Variants in HMGXB3 observed in about 807,000 individuals in gnomAD.
HMGXB3 encodes HMG domain-containing protein 3.
A neutral mutation model predicts 121.5 loss-of-function variants in HMGXB3; 45 were observed. The observed-to-expected ratio is 0.37, with a 90% CI of 0.29 to 0.47. The LOEUF is 0.47. Ranked by LOEUF, HMGXB3 falls within the 20% of genes least tolerant of loss-of-function variation. HMGXB3 has a pLI of 0.99. For missense variants in HMGXB3, 1,376 were observed against 1,602.2 expected, an observed-to-expected ratio of 0.86 and a Z score of 2.41; for synonymous variants, 590 against 624.1, an observed-to-expected ratio of 0.95 and a Z score of 0.81.
chr5:150,014,089 A>G (rs968490598), intron 5 of HMGXB3, among the ~76,000 whole-genome samples: 1 of 152,270 alleles, frequency 6.6e-6, no homozygotes, highest in African/African-American at 2.4e-5. Flanking sequence ...GGTGCTAAAC[A>G]ACAGTGTCAC....
chr5:150,010,511 A>G lies in HMGXB3; in HGVS notation c.713A>G (p.Glu238Gly). 6.4e-7 allele frequency: 1 copy of G among 1,551,638 alleles called. No homozygotes were observed. The highest frequency in any genetic ancestry group is 8.7e-7 in the Non-Finnish European group (1 of 1,147,002). Reference sequence around the variant, plus strand: ...TACCAGACAAGCCTGGTAATTGAAGAGACCTTGGTGAATGGCTCACCAGAC... The same window carrying G: ...TACCAGACAAGCCTGGTAATTGAAGGGACCTTGGTGAATGGCTCACCAGAC... Reference protein sequence around the residue: ...QPYQTSLVIEETLVNGSPDLP... With the variant: ...QPYQTSLVIEGTLVNGSPDLP... The change falls in exon 4 of 20, where the codon GAG becomes GGG. Residue 238 changes from glutamate to glycine, a missense_variant. Coordinates refer to ENST00000502717, the MANE Select transcript of HMGXB3 (RefSeq NM_014983.3).
intron 19 of HMGXB3, among the ~76,000 whole-genome samples, chr5:150,051,441 GAGCCTGATCTTTC>G (rs1336981500): frequency 6.6e-6 from 1 of 152,210 alleles, no homozygotes; most frequent in African/African-American, 2.4e-5. Flanking sequence ...ACCTCAGTCA[GAGCCTGATCTTTC>G]TGCTCCCCTG....
intron 5 of HMGXB3, among the ~76,000 whole-genome samples, chr5:150,012,659 A>G (rs1219553839): frequency 6.6e-6 from 1 of 152,212 alleles, no homozygotes; most frequent in Non-Finnish European, 1.5e-5. Context: ...GTAAGCATAC[A>G]TGATTTAGGA....
chr5:150,010,739 C>A, intron 4 of HMGXB3, 131 bp downstream of exon 4: 1 of 893,346 alleles, frequency 1.1e-6, no homozygotes, highest in African/African-American at 1.7e-5. Flanking sequence ...TACTGCAGTT[C>A]TCTTGAATGT....
At chr5:150,040,356 C>A (rs1385236317) in intron 13 of HMGXB3, among the ~76,000 whole-genome samples, 2 of 152,016 alleles carry the variant, frequency 1.3e-5, no homozygotes, top group African/African-American at 4.8e-5. Context: ...TATTGATGGG[C>A]ATTTAGTTGT....
At chr5:150,032,167 C>T (rs1263663993) in intron 10 of HMGXB3, among the ~76,000 whole-genome samples, 2 of 152,206 alleles carry the variant, frequency 1.3e-5, no homozygotes, top group African/African-American at 4.8e-5. Context: ...CTTTACTCCA[C>T]CAACTGCCTG....
intron 5 of HMGXB3, among the ~76,000 whole-genome samples, chr5:150,014,551 A>G (rs1005435869): frequency 6.6e-6 from 1 of 152,202 alleles, no homozygotes. Context: ...TACTGCCCCC[A>G]GCTACATCTA....
rs1483835261 is a variant in HMGXB3, at chr5:150,052,185, C to T, written c.3872C>T (p.Ala1291Val). Residue 1291 changes from alanine (A) to valine (V), a missense_variant, in exon 20 of 20, where the codon GCA becomes GTA. Physicochemically the swap from Ala to Val is moderately conservative, Grantham distance 64. Transcript: ENST00000502717. Reference protein sequence around the residue: ...EGEEEEVAAVAE With the variant: ...EGEEEEVAAVVE ...GAGGAAGAGGAGGTGGCCGCAGTGG[C>T]AGAATAAGCCAGGCTGTTGTACAGG... 4.5e-6 allele frequency: 7 copies of T among 1,541,570 alleles called. No individual in the cohort carries two copies. Among genetic ancestry groups the T allele is most frequent in the Middle Eastern group, 1.8e-4 (1 of 5,684 alleles).
In HMGXB3 at chr5:150,026,938, G is replaced by GT. The variant is rs1756245558; in HGVS notation, c.1636+58dup. On this transcript the variant is annotated intron_variant, in intron 8 of 19. Transcript: ENST00000502717. ...GCTGTCTGACAGGAAAGGGACAGGA[G>GT]TGGGGGGTTGAGAACGGACATAGAG... is the stretch of plus-strand genomic sequence containing the variant. 10 of 1,526,126 alleles carry GT rather than the reference G, an allele frequency of 6.6e-6. No individual in the cohort carries two copies. In the South Asian group the frequency reaches 1.3e-4, roughly 19 times the overall value. The allele number at this position is 1,526,126 out of a possible 1,614,324, so 94.5% of individuals were successfully genotyped here. A position where few individuals can be genotyped will look rare whatever the true frequency, so the allele number is the denominator to read the frequency against.
chr5:150,052,352 A>ACC lies in HMGXB3; in HGVS notation c.*162_*163dup. ...GCTTCCATTCCCTGAGCATGGTGGG[A>ACC]CCCAGGGTCCTCAGTTCTCAACCCT... On this transcript the variant is annotated 3_prime_UTR_variant, in exon 20 of 20. Transcript: ENST00000502717. 1.6e-6 allele frequency: 1 copy of ACC among 636,696 alleles called. No homozygotes were observed. Among genetic ancestry groups the ACC allele is most frequent in the Non-Finnish European group, 2.7e-6 (1 of 370,582 alleles). The allele number at this position is 636,696 out of a possible 1,614,324, so 39.4% of individuals were successfully genotyped here.
chr5:150,046,788 G>A lies in HMGXB3; in HGVS notation c.2951-836G>A, dbSNP rs548634122. ...GATCGCGCCACTGCACTCCAGCCTG[G>A]GCGACAGAGCGAGACTCCGTCTCAA... On this transcript the variant is annotated intron_variant, in intron 16 of 19. Transcript: ENST00000502717. Among the ~76,000 whole-genome samples the A allele has an allele frequency of 1.1e-4, 17 of 151,854 alleles. 1 individual carries two copies. The South Asian group carries it at 2.5e-3, about 22-fold the overall frequency.
chr5:150,012,853 T>A (rs920985993), intron 5 of HMGXB3, among the ~76,000 whole-genome samples: 3 of 152,222 alleles, frequency 2.0e-5, no homozygotes, highest in Non-Finnish European at 2.9e-5. Flanking sequence ...TTTCTCACAC[T>A]ATTATAAATG....
At chr5:150,023,389 G>T (rs1756147474) in intron 6 of HMGXB3, among the ~76,000 whole-genome samples, 1 of 152,114 alleles carries the variant, frequency 6.6e-6, no homozygotes. Flanking sequence ...ATTGAAGCTT[G>T]CCTTATACCA....
At chr5:150,045,444 C>A (rs770829762) in intron 15 of HMGXB3, 22 bp from the exon 16 acceptor site, 3 of 1,539,894 alleles carry the variant, frequency 1.9e-6, no homozygotes, top group Middle Eastern at 1.7e-4. Flanking sequence ...ACAGTTTGAC[C>A]TTCTTTATCC....
At chr5:150,044,640 T>TGCTGCTTGTCCA (rs1166676409) in intron 15 of HMGXB3, among the ~76,000 whole-genome samples, 1 of 152,204 alleles carries the variant, frequency 6.6e-6, no homozygotes, top group Non-Finnish European at 1.5e-5. Context: ...ATGATACTCT[T>TGCTGCTTGTCCA]GCTGCTTGTC....
At chr5:150,043,281 G>C (rs756088664) in intron 15 of HMGXB3, among the ~76,000 whole-genome samples, 1 of 151,662 alleles carries the variant, frequency 6.6e-6, no homozygotes, top group Non-Finnish European at 1.5e-5. Flanking sequence ...ACTTTTCCCT[G>C]TGATCATGCT....
Position 150,021,861 on chromosome 5 carries a change from G to A in HMGXB3, c.1042-2401G>A. 5.9e-6 allele frequency: 3 copies of A among 511,032 alleles called. No individual in the cohort carries two copies. The Admixed American group carries it at 5.9e-5, about 10-fold the overall frequency. 31.7% of individuals were successfully genotyped at this position (511,032 alleles called of 1,614,324 possible). A position where few individuals can be genotyped will look rare whatever the true frequency, so the allele number is the denominator to read the frequency against. On this transcript the variant is annotated intron_variant, in intron 6 of 19. Coordinates refer to ENST00000502717, the MANE Select transcript of HMGXB3 (RefSeq NM_014983.3). ...ATGTTGCAGCTCGTTAGAGTGATTT[G>A]AATTCGGTGAATTGCCACCTCCAGC...
intron 11 of HMGXB3, among the ~76,000 whole-genome samples, chr5:150,034,377 A>C (rs1264980922): frequency 6.6e-6 from 1 of 152,192 alleles, no homozygotes; most frequent in East Asian, 1.9e-4. Context: ...ATCTGTAATT[A>C]GGAGATAGAA....
chr5:150,040,168 A>G (rs947683588), intron 13 of HMGXB3, among the ~76,000 whole-genome samples: 3 of 152,180 alleles, frequency 2.0e-5, no homozygotes, highest in East Asian at 1.9e-4. Flanking sequence ...AAGATCTACT[A>G]TATGTACTAT....
Sources: gnomAD v4.1 joint callset for allele counts (sites outside exome capture counted in the v4.1 genomes callset) on GRCh38, gnomAD v4.1.1 for gene constraint, MANE v1.5 for transcripts, NCBI Gene and HGNC (gene_info 2026-07-23, HGNC 2026-07-21) for gene names.